RBM33: variants seen among roughly 807,000 people sequenced by gnomAD.
RBM33 encodes the protein RNA binding motif protein 33.
RBM33 carries 28 observed loss-of-function variants against 132.6 expected under a neutral mutation model. That is an observed-to-expected ratio of 0.21 (90% CI 0.16 to 0.29). The LOEUF (loss-of-function observed/expected upper bound fraction) is 0.29. Among genes scored for constraint, RBM33 ranks in the 10% least tolerant of loss-of-function variants. The pLI is 1.00. For synonymous variants in RBM33, 634 were observed against 593.0 expected (o/e 1.07, Z -1.01); for missense variants, 1,291 against 1,518.5 (o/e 0.85, Z 2.49).
rs527240690 is a variant in RBM33, at chr7:155,658,199, G to A, written c.44-6976G>A. ...TCTTGATGAATTGACCCTTTGATCG[G>A]TATACAGTATTCCTTCTTTTTGAAA... On this transcript the variant is annotated intron_variant, in intron 1 of 17. Coordinates refer to ENST00000401878, the MANE Select transcript of RBM33 (RefSeq NM_053043.3). 9.2e-5 allele frequency among the ~76,000 whole-genome samples: 14 copies of A among 152,116 alleles called. No individual in the cohort carries two copies. The South Asian group carries it at 2.7e-3, about 29-fold the overall frequency.
At chr7:155,646,990 C>T (rs1247272045) in intron 1 of RBM33, among the ~76,000 whole-genome samples, 1 of 152,130 alleles carries the variant, frequency 6.6e-6, no homozygotes. Context: ...CGTGATTTAC[C>T]TGTGTAACTG....
rs1800291083 is a variant in RBM33 at position 155,711,330 on chromosome 7, T to A, written c.1076T>A (p.Met359Lys). Residue 359 changes from methionine (M) to lysine (K), a missense_variant, in exon 8 of 18, where the codon ATG becomes AAG. Around this residue, in one of 7 missense-constraint regions of RBM33, gnomAD observed 146 missense variants for 137.1 expected, o/e 1.07. Transcript: ENST00000401878. Reference sequence around the variant, plus strand: ...CACCACCCATCCCCGCCTCAGGGAATGCACATGCCTCCCCAGCTAGAGACC... The same window carrying A: ...CACCACCCATCCCCGCCTCAGGGAAAGCACATGCCTCCCCAGCTAGAGACC... ...HPHHPSPPQG[M>K]HMPPQLETPR... 6.2e-7 allele frequency: 1 copy of A among 1,604,942 alleles called. No homozygotes were observed. Among genetic ancestry groups the A allele is most frequent in the South Asian group, 1.1e-5 (1 of 89,874 alleles).
At chr7:155,688,775 G>GT (rs1585439889) in intron 5 of RBM33, among the ~76,000 whole-genome samples, 1 of 152,152 alleles carries the variant, frequency 6.6e-6, no homozygotes, top group Non-Finnish European at 1.5e-5. Flanking sequence ...GCTGGATTAT[G>GT]TTTATTAATT....
intron 1 of RBM33, among the ~76,000 whole-genome samples, chr7:155,663,000 T>C (rs1467360699): frequency 6.6e-6 from 1 of 152,198 alleles, no homozygotes; most frequent in Non-Finnish European, 1.5e-5. Flanking sequence ...AGATTTTTGG[T>C]AGATTTCTGG....
At chr7:155,708,535 C>T (rs1162732401) in intron 7 of RBM33, among the ~76,000 whole-genome samples, 1 of 152,212 alleles carries the variant, frequency 6.6e-6, no homozygotes, top group South Asian at 2.1e-4. Flanking sequence ...GTATCTCTCA[C>T]CTGCCTCCTT....
intron 6 of RBM33, among the ~76,000 whole-genome samples, chr7:155,706,209 A>G (rs1800107981): frequency 6.6e-6 from 1 of 152,208 alleles, no homozygotes; most frequent in Non-Finnish European, 1.5e-5. Flanking sequence ...GTGTGACTGC[A>G]GGCTGGGCGC....
intron 3 of RBM33, among the ~76,000 whole-genome samples, chr7:155,673,766 GCGCACACACACACACA>G (rs1799064966): frequency 1.7e-5 from 2 of 120,298 alleles, no homozygotes; most frequent in East Asian, 2.3e-4. Flanking sequence ...GCGCGCATGC[GCGCACACACACACACA>G]CACACACACA....
At chr7:155,659,999 C>T (rs1798596664) in intron 1 of RBM33, among the ~76,000 whole-genome samples, 1 of 152,242 alleles carries the variant, frequency 6.6e-6, no homozygotes, top group Non-Finnish European at 1.5e-5. Flanking sequence ...ATGTAGACAT[C>T]AGTCGTCATT....
chr7:155,763,764 T>C, intron 14 of RBM33, 48 bp from the exon 15 acceptor site: 1 of 1,551,196 alleles, frequency 6.4e-7, no homozygotes, highest in Non-Finnish European at 8.8e-7. Flanking sequence ...GGAGGAGCTT[T>C]TGGTGGAGCA....
intron 1 of RBM33, among the ~76,000 whole-genome samples, chr7:155,651,044 AT>A (rs1424116186): frequency 2.0e-5 from 3 of 151,992 alleles, no homozygotes; most frequent in African/African-American, 7.3e-5. Context: ...CACCCAGCTG[AT>A]TTTTGTATTT....
At chr7:155,767,156 A>G (rs1229468924) in intron 16 of RBM33, among the ~76,000 whole-genome samples, 2 of 152,260 alleles carry the variant, frequency 1.3e-5, no homozygotes, top group African/African-American at 4.8e-5. Flanking sequence ...ATGCTGAAAC[A>G]TGCCTGCTGA....
chr7:155,680,372 A>G (rs1799304495), intron 4 of RBM33, among the ~76,000 whole-genome samples: 1 of 152,264 alleles, frequency 6.6e-6, no homozygotes, highest in Non-Finnish European at 1.5e-5. Context: ...GGCCGGCTCC[A>G]TATAGCACAG....
chr7:155,699,968 A>G (rs1799911622), intron 5 of RBM33, among the ~76,000 whole-genome samples: 1 of 152,210 alleles, frequency 6.6e-6, no homozygotes, highest in Non-Finnish European at 1.5e-5. Flanking sequence ...TTTTATGTCT[A>G]AGAGTGGGTC....
At chr7:155,711,877 G>A (rs1482798674) in intron 8 of RBM33, among the ~76,000 whole-genome samples, 2 of 152,238 alleles carry the variant, frequency 1.3e-5, no homozygotes, top group Non-Finnish European at 2.9e-5. Context: ...CTGTGCATCT[G>A]AAGGCATTTA....
chr7:155,768,484 G>A (rs1490994818), intron 16 of RBM33, among the ~76,000 whole-genome samples: 1 of 152,168 alleles, frequency 6.6e-6, no homozygotes, highest in Non-Finnish European at 1.5e-5. Flanking sequence ...ATAGTGTCGA[G>A]TCTCTGTCTC....
At chr7:155,697,234 G>T (rs1013947115) in intron 5 of RBM33, among the ~76,000 whole-genome samples, 1 of 152,122 alleles carries the variant, frequency 6.6e-6, no homozygotes, top group Non-Finnish European at 1.5e-5. Flanking sequence ...AATTCTTCAG[G>T]TAAGATTTGA....
At chr7:155,697,569 T>C (rs557975463) in intron 5 of RBM33, among the ~76,000 whole-genome samples, 70 of 152,094 alleles carry the variant, frequency 4.6e-4, no homozygotes, top group African/African-American at 1.6e-3. Flanking sequence ...TCTCTCTCTC[T>C]ATATATATAG....
chr7:155,699,867 A>G (rs934601101), intron 5 of RBM33, among the ~76,000 whole-genome samples: 1 of 152,238 alleles, frequency 6.6e-6, no homozygotes, highest in Non-Finnish European at 1.5e-5. Flanking sequence ...TAACATTTAC[A>G]TATTACAAAT....
chr7:155,706,515 G>T (rs1800118163), intron 6 of RBM33, among the ~76,000 whole-genome samples: 1 of 152,116 alleles, frequency 6.6e-6, no homozygotes, highest in Non-Finnish European at 1.5e-5. Flanking sequence ...GGATGGGACT[G>T]CAAAATGCCT....
Sources: allele counts gnomAD v4.1 joint callset (sites outside exome capture counted in the v4.1 genomes callset), GRCh38; gene constraint gnomAD v4.1.1; regional missense constraint gnomAD v4.1.1; transcripts MANE v1.5; gene names NCBI Gene and HGNC (gene_info 2026-07-23, HGNC 2026-07-21).